GART: variants seen among roughly 807,000 people sequenced by gnomAD.
GART encodes the protein trifunctional purine biosynthetic protein adenosine-3.
GART carries 43 observed loss-of-function variants against 107.2 expected under a neutral mutation model. The observed-to-expected ratio is 0.40, with a 90% CI of 0.31 to 0.52. The LOEUF (loss-of-function observed/expected upper bound fraction) is 0.52. GART is among the 20% of genes least tolerant of loss of function. The pLI is 0.52. For missense variants in GART, 1,107 were observed against 1,206.5 expected, an observed-to-expected ratio of 0.92 and a Z score of 1.22; for synonymous variants, 434 against 427.0, an observed-to-expected ratio of 1.02 and a Z score of -0.20.
intron 12 of GART, among the ~76,000 whole-genome samples, 175 bp from the exon 13 acceptor site, chr21:33,521,190 G>A (rs536881993): frequency 1.3e-5 from 2 of 152,144 alleles, no homozygotes; most frequent in African/African-American, 4.8e-5. Flanking sequence ...AATCAACTGG[G>A]AGAATGTAAT....
Position 33,531,530 on chromosome 21 carries a change from T to G in GART, c.556A>C (p.Thr186Pro), listed in dbSNP as rs1391161762. 1 of 1,612,956 alleles carries G rather than the reference T, an allele frequency of 6.2e-7. No individual in the cohort carries two copies. Among genetic ancestry groups the G allele is most frequent in the Non-Finnish European group, 8.5e-7 (1 of 1,179,754 alleles). ...QEKAFGAAGE[T>P]IVIEELLDGE... ...TCAAGAAGTTCTTCAATGACAATTGTTTCTCCAGCTGCCCCAAAGGCTTTC... is the reference window on the plus strand; with the variant it reads ...TCAAGAAGTTCTTCAATGACAATTGGTTCTCCAGCTGCCCCAAAGGCTTTC... Residue 186 changes from threonine to proline, a missense_variant, in exon 6 of 22, where the codon ACA becomes CCA. Physicochemically the swap from Thr to Pro is conservative, Grantham distance 38. Transcript: ENST00000381815.
Position 33,524,882 on chromosome 21 carries a change from A to AT in GART, c.1184dup (p.Asn395LysfsTer7). The AT allele has an allele frequency of 6.2e-7, 1 of 1,614,030 alleles. No individual in the cohort carries two copies. The highest frequency in any genetic ancestry group is 8.5e-7 in the Non-Finnish European group (1 of 1,180,004). On this transcript the variant is annotated frameshift_variant, in exon 11 of 22. Transcript: ENST00000381815. LOFTEE classifies it high-confidence loss of function. ...TGGCTTCCTCAAGGGCTGATATGAGATTTTCCCGGATGGCTGTGACTGCAA... is the reference window on the plus strand; with the variant it reads ...TGGCTTCCTCAAGGGCTGATATGAGATTTTTCCCGGATGGCTGTGACTGCAA...
chr21:33,504,291 T>A lies in GART; in HGVS notation c.2866A>T (p.Ile956Phe), dbSNP rs2084641607. The change falls in exon 22 of 22, where the codon ATT becomes TTT. Residue 956 changes from isoleucine (I) to phenylalanine (F), a missense_variant. Transcript: ENST00000381815. Reference protein sequence around the residue: ...VAEDVDAGQIILQEAVPVKRG... With the variant: ...VAEDVDAGQIFLQEAVPVKRG... ...TTCACGGGAACAGCTTCTTGCAAAA[T>A]AATCTGTCCAGCATCCACATCTTCC... The A allele has an allele frequency of 6.2e-7, 1 of 1,614,028 alleles. No homozygotes were observed. The highest frequency in any genetic ancestry group is 1.7e-5 in the Admixed American group (1 of 59,980).
intron 10 of GART, 72 bp downstream of exon 10, chr21:33,528,089 CTTAGTG>C (rs945537226): frequency 7.3e-7 from 1 of 1,361,162 alleles, no homozygotes; most frequent in African/African-American, 1.4e-5. Flanking sequence ...GAGAGCAAGC[CTTAGTG>C]TGAGAGGGGG....
chr21:33,538,013 C>A (rs1261249053), intron 2 of GART, among the ~76,000 whole-genome samples: 3 of 151,804 alleles, frequency 2.0e-5, no homozygotes, highest in Non-Finnish European at 4.4e-5. Context: ...GAGGCTGAGG[C>A]GGGCAGATCA....
chr21:33,536,884 T>C (rs1434194660), intron 2 of GART, among the ~76,000 whole-genome samples: 1 of 152,228 alleles, frequency 6.6e-6, no homozygotes, highest in East Asian at 1.9e-4. Flanking sequence ...TTCTGAAATT[T>C]TCCATTTAAT....
Position 33,533,478 on chromosome 21 carries a change from AAT to A in GART, c.417-1024_417-1023del, listed in dbSNP as rs1464565630. Among the ~76,000 whole-genome samples the A allele has an allele frequency of 1.7e-3, 251 of 150,622 alleles. 2 individuals are homozygous for A. Among genetic ancestry groups the A allele is most frequent in the African/African-American group, 5.8e-3 (241 of 41,340 alleles). On this transcript the variant is annotated intron_variant, in intron 4 of 21. Transcript: ENST00000381815. ...AAATAAATAAATAAAAATAAAAATAAATAAATAAATAAATAAAATAAAATGGC... is the reference window on the plus strand; with the variant it reads ...AAATAAATAAATAAAAATAAAAATAAAAATAAATAAATAAAATAAAATGGC...
chr21:33,524,922 T>G lies in GART; in HGVS notation c.1145A>C (p.His382Pro). 3 of 1,614,174 alleles carry G rather than the reference T, an allele frequency of 1.9e-6. No individual in the cohort carries two copies. The highest frequency in any genetic ancestry group is 2.5e-6 in the Non-Finnish European group (3 of 1,180,028). The change falls in exon 11 of 22, where the codon CAT (histidine) becomes CCT (proline). Residue 382 changes from histidine (H) to proline (P), a missense_variant. His to Pro is a moderately conservative substitution (Grantham distance 77, BLOSUM62 -2). Transcript: ENST00000381815. ...TALKNGKVVT[H>P]GGRVLAVTAI... ...TGTGACTGCAAGAACTCTACCCCCA[T>G]GAGTTACTACTTTGCCATTTTTGAG...
intron 10 of GART, among the ~76,000 whole-genome samples, chr21:33,526,433 CCA>C (rs1446837838): frequency 6.6e-6 from 1 of 152,220 alleles, no homozygotes; most frequent in Non-Finnish European, 1.5e-5. Flanking sequence ...TTCGGCCTCC[CCA>C]AGTGTTAGGA....
intron 9 of GART, 64 bp from the exon 10 acceptor site, chr21:33,528,399 A>T: frequency 6.4e-7 from 1 of 1,573,472 alleles, no homozygotes; most frequent in Non-Finnish European, 8.7e-7. Context: ...CATTTTATTC[A>T]CTGGTGTACT....
At chr21:33,510,639 T>C (rs2084769327) in intron 17 of GART, among the ~76,000 whole-genome samples, 1 of 152,200 alleles carries the variant, frequency 6.6e-6, no homozygotes, top group South Asian at 2.1e-4. Flanking sequence ...TGGGTCTCTC[T>C]TTCTTATTGT....
intron 11 of GART, among the ~76,000 whole-genome samples, chr21:33,523,217 G>T (rs1030555280): frequency 1.1e-4 from 17 of 152,118 alleles, no homozygotes; most frequent in Non-Finnish European, 1.8e-4. Flanking sequence ...TTTTATAGAA[G>T]TGTCTTTAAA....
intron 2 of GART, among the ~76,000 whole-genome samples, chr21:33,538,937 C>A (rs376942603): frequency 6.6e-6 from 1 of 152,106 alleles, no homozygotes; most frequent in African/African-American, 2.4e-5. Context: ...CCCGCCACCA[C>A]GCCCGGCTAA....
At chr21:33,534,188 A>G (rs1441732654) in intron 4 of GART, among the ~76,000 whole-genome samples, 1 of 152,048 alleles carries the variant, frequency 6.6e-6, no homozygotes, top group Non-Finnish European at 1.5e-5. Context: ...CTAGCATTAC[A>G]TTTTCAACAC....
chr21:33,509,980 GGAAA>G, intron 17 of GART, 60 bp from the exon 18 acceptor site: 2 of 1,457,430 alleles, frequency 1.4e-6, no homozygotes, highest in Admixed American at 4.1e-5. Flanking sequence ...CAAGAATAAT[GGAAA>G]GAAAAATATT....
chr21:33,510,227 G>T (rs2084760372), intron 17 of GART: 1 of 238,886 alleles, frequency 4.2e-6, no homozygotes, highest in Non-Finnish European at 8.1e-6. Flanking sequence ...TTCCTAGCGA[G>T]ACCACCCACA....
chr21:33,516,928 C>T (rs931873757), intron 16 of GART, 61 bp downstream of exon 16: 148 of 1,424,150 alleles, frequency 1.0e-4, no homozygotes, highest in Non-Finnish European at 1.3e-4. Flanking sequence ...ATAGTTTTCT[C>T]GCACAATGCA....
chr21:33,529,094 A>G (rs1304014277), intron 7 of GART, among the ~76,000 whole-genome samples, 157 bp from the exon 8 acceptor site: 2 of 152,240 alleles, frequency 1.3e-5, no homozygotes, highest in Non-Finnish European at 2.9e-5. Flanking sequence ...AACTTTCTCA[A>G]TCCTCACAAT....
intron 16 of GART, among the ~76,000 whole-genome samples, chr21:33,512,153 G>A (rs932748517): frequency 2.0e-5 from 3 of 151,504 alleles, no homozygotes; most frequent in South Asian, 2.1e-4. Flanking sequence ...GCGTGGTGGC[G>A]CACACCTGTA....
Sources: gnomAD v4.1 joint callset for allele counts (sites outside exome capture counted in the v4.1 genomes callset) on GRCh38, gnomAD v4.1.1 for gene constraint, MANE v1.5 for transcripts, NCBI Gene and HGNC (gene_info 2026-07-23, HGNC 2026-07-21) for gene names.